Variants in MRPL49 observed in about 807,000 individuals in gnomAD.
MRPL49 encodes large ribosomal subunit protein mL49.
MRPL49 carries 14 observed loss-of-function variants against 18.4 expected under a neutral mutation model. That is an observed-to-expected ratio of 0.76 (90% CI 0.50 to 1.19). The LOEUF (loss-of-function observed/expected upper bound fraction) is 1.19, where lower values mean the gene tolerates loss of function less well. Among genes scored for constraint, MRPL49 ranks in the 50% most tolerant of loss-of-function variants. The probability of loss-of-function intolerance (pLI) is 0.00; values close to 1 mark genes in which losing one functional copy is unlikely to be tolerated. For synonymous variants in MRPL49, 104 were observed against 86.2 expected (o/e 1.21, Z -1.14); for missense variants, 190 against 217.8 (o/e 0.87, Z 0.80).
rs2137229825 is a variant in MRPL49, at chr11:65,127,044, C to T, written c.*1172C>T. The T allele has an allele frequency of 1.4e-6, 1 of 702,490 alleles. No homozygotes were observed. Among genetic ancestry groups the T allele is most frequent in the East Asian group, 2.7e-5 (1 of 37,272 alleles). 43.5% of individuals were successfully genotyped at this position (702,490 alleles called of 1,614,324 possible). On this transcript the variant is annotated 3_prime_UTR_variant, in exon 4 of 4. Coordinates refer to ENST00000279242, the MANE Select transcript of MRPL49 (RefSeq NM_004927.4). ...AACTGGCTAAGACAGCTTTCAGTTCCTGACTCCCCAACTTGGTCTCTGCCC... is the reference window on the plus strand; with the variant it reads ...AACTGGCTAAGACAGCTTTCAGTTCTTGACTCCCCAACTTGGTCTCTGCCC...
At chr11:65,123,717 G>T (rs1948075067) in intron 1 of MRPL49, among the ~76,000 whole-genome samples, 1 of 152,072 alleles carries the variant, frequency 6.6e-6, no homozygotes, top group Non-Finnish European at 1.5e-5. Flanking sequence ...CTAGGTGACA[G>T]AGTGAGACTC....
At chr11:65,122,207 C>T (rs1032679542), upstream of MRPL49, 43 of 865,492 alleles carry the variant, frequency 5.0e-5, no homozygotes, top group South Asian at 5.9e-4. Context: ...GCGCGGTTCC[C>T]TGCTATTTGT....
Position 65,126,231 on chromosome 11 carries a change from A to C in MRPL49, c.*359A>C, listed in dbSNP as rs3209975. 1 of 168,160 alleles carries C rather than the reference A, an allele frequency of 5.9e-6. No homozygotes were observed. The highest frequency in any genetic ancestry group is 1.3e-5 in the Non-Finnish European group (1 of 78,966). 10.4% of individuals were successfully genotyped at this position (168,160 alleles called of 1,614,324 possible). ...GCTCACTGCAACTTCCACCTCTGGG[A>C]TCAAGGGATTCTCCTGCCTCAGCCT... On this transcript the variant is annotated 3_prime_UTR_variant, in exon 4 of 4. Transcript: ENST00000279242.
rs1465847426 is a variant in MRPL49, at chr11:65,125,839, G to T, written c.468G>T (p.Glu156Asp). 6.2e-7 allele frequency: 1 copy of T among 1,610,072 alleles called. No homozygotes were observed. The highest frequency in any genetic ancestry group is 2.2e-4 in the Middle Eastern group (1 of 4,650). The change falls in exon 4 of 4, where the codon GAG becomes GAT. Residue 156 changes from glutamate to aspartate, a missense_variant. Glu to Asp is a conservative substitution (Grantham distance 45, BLOSUM62 2). Transcript: ENST00000279242. ...GGATCAAGGGCTACTTTGACCAGGA[G>T]CTTAAAGCCTGGCTCTTGGAGAAAG... ...TLRIKGYFDQ[E>D]LKAWLLEKGF
intron 1 of MRPL49, among the ~76,000 whole-genome samples, chr11:65,123,884 T>TTGTTC (rs1221791150): frequency 6.6e-6 from 1 of 151,832 alleles, no homozygotes; most frequent in Non-Finnish European, 1.5e-5. Flanking sequence ...ATGCAGGAAT[T>TTGTTC]TGTTTTGTTT....
upstream of MRPL49, chr11:65,122,237 G>A: frequency 8.2e-7 from 1 of 1,214,028 alleles, no homozygotes; most frequent in Non-Finnish European, 1.2e-6. Context: ...GGCAGTCCTA[G>A]CTCCGCCCCT....
rs1311270439 is a variant in MRPL49, at chr11:65,126,988, G to A, written c.*1116G>A. 8.8e-6 allele frequency: 6 copies of A among 682,686 alleles called. No individual in the cohort carries two copies. The highest frequency in any genetic ancestry group is 1.6e-5 in the Non-Finnish European group (6 of 377,004). The allele number at this position is 682,686 out of a possible 1,614,324, so 42.3% of individuals were successfully genotyped here. On this transcript the variant is annotated 3_prime_UTR_variant, in exon 4 of 4. Coordinates refer to ENST00000279242, the MANE Select transcript of MRPL49 (RefSeq NM_004927.4). ...ATGCCTTATACTTGGAGTCACAGGG[G>A]CCAAAGGCCTGAGACCCCACCCTGC...
Position 65,126,772 on chromosome 11 carries a change from C to G in MRPL49, c.*900C>G, listed in dbSNP as rs1335074308. 7.7e-6 allele frequency: 4 copies of G among 521,410 alleles called. No individual in the cohort carries two copies. In the African/African-American group the frequency reaches 7.7e-5, roughly 10 times the overall value. 32.3% of individuals were successfully genotyped at this position (521,410 alleles called of 1,614,324 possible). On this transcript the variant is annotated 3_prime_UTR_variant, in exon 4 of 4. Transcript: ENST00000279242. The stretch of plus-strand genomic sequence containing the variant: ...GAGAGGTAGGAGGCACGTTCTTGGT[C>G]ACTGTTCCATTGCAGACCAGACTTG...
chr11:65,124,694 C>T (rs1465689100), intron 2 of MRPL49, 42 bp downstream of exon 2: 1 of 1,601,940 alleles, frequency 6.2e-7, no homozygotes, highest in East Asian at 2.2e-5. Flanking sequence ...CTTCACGGAG[C>T]ATCACCTCCT....
At position 65,126,166 on chromosome 11, in the gene MRPL49, C is replaced by T. The variant is rs1175396972; in HGVS notation, c.*294C>T. ...TTTTTTGTTTTTTGAGACGGAGTCT[C>T]ACTCTGTTGCCCAGGGTGGAGTGCA... On this transcript the variant is annotated 3_prime_UTR_variant, in exon 4 of 4. Transcript: ENST00000279242. 2 of 276,050 alleles carry T rather than the reference C, an allele frequency of 7.2e-6. No homozygotes were observed. The highest frequency in any genetic ancestry group is 1.4e-5 in the Non-Finnish European group (2 of 146,402). 17.1% of individuals were successfully genotyped at this position (276,050 alleles called of 1,614,324 possible).
chr11:65,125,407 G>A, intron 2 of MRPL49, 81 bp from the exon 3 acceptor site: 1 of 1,583,918 alleles, frequency 6.3e-7, no homozygotes, highest in Non-Finnish European at 8.6e-7. Flanking sequence ...CTGGCCCTCT[G>A]CAGACTGAGA....
At position 65,122,371 on chromosome 11, in the gene MRPL49, A is replaced by G. The variant is rs17146691; in HGVS notation, c.25A>G (p.Thr9Ala). 613 of 1,613,230 alleles carry G rather than the reference A, an allele frequency of 3.8e-4. 3 individuals carry two copies. In the East Asian group the frequency reaches 0.012, roughly 32 times the overall value. Reference sequence around the variant, plus strand: ...GATGGCAGCTACCATGTTCCGGGCTACGCTGCGGGGATGGAGAACCGGTGT... The same window carrying G: ...GATGGCAGCTACCATGTTCCGGGCTGCGCTGCGGGGATGGAGAACCGGTGT... The part of the protein sequence containing the change: MAATMFRA[T>A]LRGWRTGVQR... Residue 9 changes from threonine (T) to alanine (A), a missense_variant, in exon 1 of 4, where the codon ACG becomes GCG. Thr to Ala is a moderately conservative substitution (Grantham distance 58). Coordinates refer to ENST00000279242, the MANE Select transcript of MRPL49 (RefSeq NM_004927.4).
chr11:65,125,831 G>T lies in MRPL49; in HGVS notation c.460G>T (p.Asp154Tyr). Reference sequence around the variant, plus strand: ...TACCCTACGGATCAAGGGCTACTTTGACCAGGAGCTTAAAGCCTGGCTCTT... The same window carrying T: ...TACCCTACGGATCAAGGGCTACTTTTACCAGGAGCTTAAAGCCTGGCTCTT... ...TGTLRIKGYF[D>Y]QELKAWLLEK... Residue 154 changes from aspartate to tyrosine, a missense_variant, in exon 4 of 4, where the codon GAC becomes TAC. Physicochemically the swap from Asp to Tyr is radical, Grantham distance 160. Coordinates refer to ENST00000279242, the MANE Select transcript of MRPL49 (RefSeq NM_004927.4). 1 of 1,611,168 alleles carries T rather than the reference G, an allele frequency of 6.2e-7. No individual in the cohort carries two copies. The highest frequency in any genetic ancestry group is 1.1e-5 in the South Asian group (1 of 90,966).
rs981678808 is a variant in MRPL49, at chr11:65,124,365, T to C, written c.79-137T>C. On this transcript the variant is annotated intron_variant, in intron 1 of 3. Coordinates refer to ENST00000279242, the MANE Select transcript of MRPL49 (RefSeq NM_004927.4). ...GTGACTCACTCCATTTTGATTCTGATAGCTTTCACACCGTCGCCCAGCCTT... is the reference window on the plus strand; with the variant it reads ...GTGACTCACTCCATTTTGATTCTGACAGCTTTCACACCGTCGCCCAGCCTT... 7 of 862,572 alleles carry C rather than the reference T, an allele frequency of 8.1e-6. No homozygotes were observed. In the African/African-American group the frequency reaches 1.0e-4, roughly 13 times the overall value. 53.4% of individuals were successfully genotyped at this position (862,572 alleles called of 1,614,324 possible).
At chr11:65,124,867 G>C in intron 2 of MRPL49, 1 of 489,416 alleles carries the variant, frequency 2.0e-6, no homozygotes, top group Admixed American at 3.8e-5. Context: ...ATTGAGATCA[G>C]GTCTTCCCCA....
chr11:65,122,474 A>C, intron 1 of MRPL49, 50 bp downstream of exon 1: 13 of 1,547,592 alleles, frequency 8.4e-6, no homozygotes, highest in Non-Finnish European at 1.1e-5. Context: ...TGTGAGGCTC[A>C]GTGTTAATCA....
Position 65,125,766 on chromosome 11 carries a change from T to C in MRPL49, c.395T>C (p.Leu132Pro). Residue 132 changes from leucine to proline, a missense_variant, in exon 4 of 4, where the codon CTG becomes CCG. Coordinates refer to ENST00000279242, the MANE Select transcript of MRPL49 (RefSeq NM_004927.4). The stretch of plus-strand genomic sequence containing the variant: ...GTGGAAGATTTTCTGAGCCCGCTGC[T>C]GGGGAAGACACCTGTCACCCAGGTC... ...KDVEDFLSPL[L>P]GKTPVTQVNE... 4 of 1,613,616 alleles carry C rather than the reference T, an allele frequency of 2.5e-6. No individual in the cohort carries two copies. The highest frequency in any genetic ancestry group is 3.4e-6 in the Non-Finnish European group (4 of 1,179,990).
Position 65,126,140 on chromosome 11 carries a change from CTTTT to C in MRPL49, c.*271_*274del, listed in dbSNP as rs1023029418. 4 of 356,334 alleles carry C rather than the reference CTTTT, an allele frequency of 1.1e-5. No individual in the cohort carries two copies. The highest frequency in any genetic ancestry group is 6.4e-5 in the African/African-American group (3 of 47,174). 22.1% of individuals were successfully genotyped at this position (356,334 alleles called of 1,614,324 possible). A position where few individuals can be genotyped will look rare whatever the true frequency, so the allele number is the denominator to read the frequency against. ...TCTCTCCCTCCTATCTTGGCCTGTT[CTTTT>C]TTGTTTTTTGAGACGGAGTCTCACT... On this transcript the variant is annotated 3_prime_UTR_variant, in exon 4 of 4. Coordinates refer to ENST00000279242, the MANE Select transcript of MRPL49 (RefSeq NM_004927.4).
intron 1 of MRPL49, among the ~76,000 whole-genome samples, chr11:65,122,798 C>T (rs887533322): frequency 2.7e-5 from 4 of 150,792 alleles, no homozygotes; most frequent in East Asian, 2.0e-4. Context: ...CGGCCCACTG[C>T]AAGCTCCGCC....
Sources: gnomAD v4.1 joint callset for allele counts (sites outside exome capture counted in the v4.1 genomes callset) on GRCh38, gnomAD v4.1.1 for gene constraint, MANE v1.5 for transcripts, NCBI Gene and HGNC (gene_info 2026-07-23, HGNC 2026-07-21) for gene names.